NEBL: variants seen among roughly 807,000 people sequenced by gnomAD.
The protein encoded by NEBL is LIM and SH3 protein 2.
NEBL carries 122 observed loss-of-function variants against 140.2 expected under a neutral mutation model. The ratio of observed to expected loss-of-function variants is 0.87; its 90% confidence interval spans 0.75 to 1.01. The LOEUF (loss-of-function observed/expected upper bound fraction) is 1.01, where lower values mean the gene tolerates loss of function less well. Ranked by LOEUF, NEBL falls within the 50% of genes least tolerant of loss-of-function variation. The probability of loss-of-function intolerance (pLI) is 0.00; values close to 1 mark genes in which losing one functional copy is unlikely to be tolerated. For synonymous variants in NEBL, 436 were observed against 398.9 expected (o/e 1.09, Z -1.11); for missense variants, 1,365 against 1,231.3 (o/e 1.11, Z -1.62).
At chr10:21,056,350 T>C (rs1835023448) in intron 2 of NEBL, among the ~76,000 whole-genome samples, 1 of 152,152 alleles carries the variant, frequency 6.6e-6, no homozygotes, top group Non-Finnish European at 1.5e-5. Flanking sequence ...AACCAAATAA[T>C]GAATCAGACA....
chr10:20,965,468 A>T (rs1252984291), intron 3 of NEBL, among the ~76,000 whole-genome samples: 4 of 152,194 alleles, frequency 2.6e-5, no homozygotes, highest in Non-Finnish European at 4.4e-5. Flanking sequence ...AGGCAGAGGG[A>T]ACAGACAGAG....
chr10:20,985,717 C>A (rs559089395), intron 3 of NEBL, among the ~76,000 whole-genome samples: 11 of 152,006 alleles, frequency 7.2e-5, no homozygotes, highest in Middle Eastern at 3.4e-3. Flanking sequence ...TACTAGTATG[C>A]AGCTATACTG....
chr10:20,909,796 T>C (rs1286672359), intron 4 of NEBL, among the ~76,000 whole-genome samples: 1 of 151,942 alleles, frequency 6.6e-6, no homozygotes, highest in Admixed American at 6.6e-5. Context: ...AAATACAGAA[T>C]TGTCAGAGGA....
intron 7 of NEBL, among the ~76,000 whole-genome samples, chr10:20,861,027 T>A (rs74123508): frequency 0.051 from 7,822 of 152,224 alleles, 605 homozygotes; most frequent in African/African-American, 0.17. Flanking sequence ...TTTTAAGTAA[T>A]CAGCAAGAAC....
intron 2 of NEBL, among the ~76,000 whole-genome samples, chr10:21,152,623 C>T (rs1414437771): frequency 6.6e-6 from 1 of 151,278 alleles, no homozygotes; most frequent in Non-Finnish European, 1.5e-5. Context: ...CAAAAAGAAA[C>T]AGGAAGAGGA....
intron 3 of NEBL, among the ~76,000 whole-genome samples, chr10:21,192,584 C>T (rs1841590651): frequency 6.6e-6 from 1 of 151,434 alleles, no homozygotes; most frequent in African/African-American, 2.4e-5. Context: ...GTGGCTCACA[C>T]CTGTAATCCC....
intron 9 of NEBL, among the ~76,000 whole-genome samples, chr10:20,857,348 C>T (rs1843181776): frequency 6.6e-6 from 1 of 152,118 alleles, no homozygotes; most frequent in Admixed American, 6.5e-5. Context: ...ATTTCTAAGT[C>T]TAGGCCCATC....
intron 26 of NEBL, among the ~76,000 whole-genome samples, chr10:20,792,003 C>A (rs1203314887): frequency 6.7e-6 from 1 of 149,712 alleles, no homozygotes; most frequent in Non-Finnish European, 1.5e-5. Flanking sequence ...AGGAAGGCAG[C>A]AAAAAAATTA....
intron 3 of NEBL, among the ~76,000 whole-genome samples, chr10:21,201,780 C>T (rs1841740689): frequency 6.6e-6 from 1 of 152,042 alleles, no homozygotes; most frequent in Non-Finnish European, 1.5e-5. Context: ...TTTCCTCTAG[C>T]ATGGTTGATC....
chr10:21,196,314 T>TTTAA (rs34608157), intron 3 of NEBL, among the ~76,000 whole-genome samples: 2 of 17,708 alleles, frequency 1.1e-4, no homozygotes, highest in African/African-American at 3.3e-4. Context: ...TATTTTTATT[T>TTTAA]TTATTTATTT....
At chr10:20,938,077 C>T (rs1055645177) in intron 4 of NEBL, among the ~76,000 whole-genome samples, 2 of 152,202 alleles carry the variant, frequency 1.3e-5, no homozygotes, top group Admixed American at 1.3e-4. Context: ...TGTCTGACAG[C>T]TTTGAAGACA....
At chr10:20,971,795 A>G (rs1362534497) in intron 3 of NEBL, among the ~76,000 whole-genome samples, 1 of 151,836 alleles carries the variant, frequency 6.6e-6, no homozygotes, top group South Asian at 2.1e-4. Context: ...TTGTATTTTC[A>G]GTAGAGACAA....
chr10:21,164,780 C>G (rs143418067), intron 2 of NEBL, among the ~76,000 whole-genome samples: 3 of 152,184 alleles, frequency 2.0e-5, no homozygotes. Context: ...ACACTGGAAC[C>G]TTTTTATTGG....
At chr10:20,810,010 A>C (rs1837984898) in intron 24 of NEBL, 112 bp from the exon 25 acceptor site, 3 of 755,508 alleles carry the variant, frequency 4.0e-6, no homozygotes, top group Non-Finnish European at 4.4e-6. Flanking sequence ...AAAGGAATAG[A>C]TATAAGAAGC....
intron 3 of NEBL, among the ~76,000 whole-genome samples, chr10:20,977,479 C>T (rs1243735673): frequency 3.3e-5 from 5 of 152,060 alleles, no homozygotes; most frequent in Non-Finnish European, 5.9e-5. Flanking sequence ...AAACTGATAA[C>T]GGCTCACACA....
chr10:21,086,931 A>T (rs7095974), intron 2 of NEBL, among the ~76,000 whole-genome samples: 1 of 152,128 alleles, frequency 6.6e-6, no homozygotes, highest in South Asian at 2.1e-4. Context: ...ATCTCCCTGC[A>T]CCCCAACACC....
intron 2 of NEBL, among the ~76,000 whole-genome samples, chr10:21,077,159 T>TG (rs1336165815): frequency 6.6e-6 from 1 of 152,126 alleles, no homozygotes; most frequent in East Asian, 1.9e-4. Context: ...GGTAAGTTAT[T>TG]GGGGTCTATC....
intron 4 of NEBL, among the ~76,000 whole-genome samples, chr10:20,953,496 A>C (rs1189641386): frequency 7.0e-6 from 1 of 143,696 alleles, no homozygotes; most frequent in Non-Finnish European, 1.5e-5. Context: ...GCAGACTAAG[A>C]CAAGCCCTAA....
intron 3 of NEBL, among the ~76,000 whole-genome samples, chr10:20,973,243 T>G (rs929792561): frequency 5.1e-4 from 77 of 149,846 alleles, no homozygotes; most frequent in Non-Finnish European, 7.4e-5. Flanking sequence ...TATTTTACCT[T>G]TTTCTTTTTT....
Sources: gnomAD v4.1 joint callset for allele counts (sites outside exome capture counted in the v4.1 genomes callset) on GRCh38, gnomAD v4.1.1 for gene constraint, MANE v1.5 for transcripts, NCBI Gene and HGNC (gene_info 2026-07-23, HGNC 2026-07-21) for gene names.